XYLT1: variants seen among roughly 807,000 people sequenced by gnomAD.
The protein encoded by XYLT1 is beta-D-xylosyltransferase 1.
In XYLT1, 36 loss-of-function variants were observed where a neutral mutation model predicts 91.3. The ratio of observed to expected loss-of-function variants is 0.39; its 90% confidence interval spans 0.30 to 0.52. The LOEUF (loss-of-function observed/expected upper bound fraction) is 0.52. Among genes scored for constraint, XYLT1 ranks in the 20% least tolerant of loss-of-function variants. The pLI is 0.68. For missense variants in XYLT1, 1,242 were observed against 1,284.5 expected (o/e 0.97, Z 0.51); for synonymous variants, 588 against 532.0 (o/e 1.11, Z -1.45).
At chr16:17,134,841 C>G in intron 8 of XYLT1, 106 bp from the exon 9 acceptor site, 1 of 1,364,976 alleles carries the variant, frequency 7.3e-7, no homozygotes, top group East Asian at 2.3e-5. Flanking sequence ...CTGCTGGACC[C>G]GAATTAGCTC....
intron 2 of XYLT1, among the ~76,000 whole-genome samples, chr16:17,283,475 T>C (rs765941441): frequency 5.3e-5 from 8 of 152,064 alleles, no homozygotes; most frequent in Non-Finnish European, 1.0e-4. Context: ...TGTGCACACA[T>C]AGGCACACAC....
rs372067770 is a variant in XYLT1 at position 17,141,327 on chromosome 16, G to A, written c.1413C>T (p.Cys471=). 53 of 1,613,976 alleles carry A rather than the reference G, an allele frequency of 3.3e-5. No homozygotes were observed. The African/African-American group carries it at 3.9e-4, about 12-fold the overall frequency. The change falls in exon 7 of 12, where the codon TGC becomes TGT. Residue 471 remains cysteine (C), a synonymous_variant. Coordinates refer to ENST00000261381, the MANE Select transcript of XYLT1 (RefSeq NM_022166.4). Reference sequence around the variant, plus strand: ...CTCCCAGGCGCCACATGTGAGCGTCGCACTCCAGGAAGAGCCGATCCAGGC... The same window carrying A: ...CTCCCAGGCGCCACATGTGAGCGTCACACTCCAGGAAGAGCCGATCCAGGC... ...KQGLDRLFLE[C]DAHMWRLGDR...
chr16:17,398,565 A>G (rs753582229), intron 1 of XYLT1, among the ~76,000 whole-genome samples: 5 of 152,138 alleles, frequency 3.3e-5, no homozygotes, highest in African/African-American at 7.2e-5. Context: ...ATAACAAAGC[A>G]CCACTAAATG....
chr16:17,332,972 G>A (rs552888510), intron 2 of XYLT1, among the ~76,000 whole-genome samples: 2 of 152,278 alleles, frequency 1.3e-5, no homozygotes, highest in East Asian at 1.9e-4. Flanking sequence ...AGAGGTGACG[G>A]CACAGGCAAT....
At chr16:17,383,240 C>T (rs1353931915) in intron 1 of XYLT1, among the ~76,000 whole-genome samples, 2 of 151,854 alleles carry the variant, frequency 1.3e-5, no homozygotes, top group East Asian at 2.0e-4. Context: ...TTTTGCACGG[C>T]CCATTCTCTC....
At chr16:17,126,613 C>T (rs775237393) in intron 10 of XYLT1, among the ~76,000 whole-genome samples, 5 of 152,230 alleles carry the variant, frequency 3.3e-5, no homozygotes, top group Non-Finnish European at 5.9e-5. Flanking sequence ...CTCTCCCCAA[C>T]ATACTCTTAG....
At chr16:17,456,666 CTT>C (rs2036747566) in intron 1 of XYLT1, among the ~76,000 whole-genome samples, 1 of 152,162 alleles carries the variant, frequency 6.6e-6, no homozygotes, top group African/African-American at 2.4e-5. Flanking sequence ...TGGCAGTGTC[CTT>C]CTGAAGAAAA....
chr16:17,206,857 C>T (rs1315707295), intron 3 of XYLT1, among the ~76,000 whole-genome samples: 6 of 152,212 alleles, frequency 3.9e-5, no homozygotes, highest in South Asian at 2.1e-4. Flanking sequence ...GCAGTTGGTG[C>T]GAGAATGGAA....
At chr16:17,227,049 C>G (rs2033078376) in intron 3 of XYLT1, 1 of 152,220 alleles carries the variant, frequency 6.6e-6, no homozygotes, top group Admixed American at 6.5e-5. Flanking sequence ...TATTCCATCA[C>G]CCATTTGATT....
chr16:17,174,205 A>G (rs994535650), intron 5 of XYLT1, among the ~76,000 whole-genome samples: 1 of 152,238 alleles, frequency 6.6e-6, no homozygotes, highest in Non-Finnish European at 1.5e-5. Flanking sequence ...CTGTTTTTCT[A>G]CTTTATCTTA....
At chr16:17,332,558 TCACACACATACACA>T (rs1383222795) in intron 2 of XYLT1, among the ~76,000 whole-genome samples, 1 of 126,730 alleles carries the variant, frequency 7.9e-6, no homozygotes, top group Admixed American at 8.3e-5. Flanking sequence ...CCAGAGTCCA[TCACACACATACACA>T]CACACACACA....
intron 3 of XYLT1, among the ~76,000 whole-genome samples, chr16:17,208,238 C>CTTAGAT: frequency 1.9e-5 from 2 of 103,364 alleles, no homozygotes; most frequent in East Asian, 6.6e-4. Flanking sequence ...CTCCCTTAGC[C>CTTAGAT]TCCCAAAGTG....
intron 1 of XYLT1, among the ~76,000 whole-genome samples, chr16:17,463,445 G>A (rs974205051): frequency 6.6e-6 from 1 of 152,226 alleles, no homozygotes; most frequent in East Asian, 1.9e-4. Flanking sequence ...GAAGACATAC[G>A]AATGGCCAAT....
chr16:17,441,681 G>A (rs957312298), intron 1 of XYLT1, among the ~76,000 whole-genome samples: 5 of 152,188 alleles, frequency 3.3e-5, no homozygotes, highest in Non-Finnish European at 7.3e-5. Flanking sequence ...GGTACTCTAA[G>A]TAGCAATCGC....
intron 1 of XYLT1, among the ~76,000 whole-genome samples, chr16:17,429,149 T>C (rs1182757921): frequency 6.6e-6 from 1 of 152,226 alleles, no homozygotes; most frequent in Non-Finnish European, 1.5e-5. Context: ...AGTAATTACC[T>C]TCAAGTTGTG....
At chr16:17,364,885 G>A (rs1239478401) in intron 1 of XYLT1, among the ~76,000 whole-genome samples, 1 of 152,170 alleles carries the variant, frequency 6.6e-6, no homozygotes, top group African/African-American at 2.4e-5. Context: ...CTGGGCAAGG[G>A]TCCAAGGAAT....
At chr16:17,315,521 T>C (rs2034617013) in intron 2 of XYLT1, among the ~76,000 whole-genome samples, 1 of 103,552 alleles carries the variant, frequency 9.7e-6, no homozygotes. Context: ...ATTGTAACAC[T>C]GTACCTATGT....
At chr16:17,428,440 A>G (rs762733704) in intron 1 of XYLT1, among the ~76,000 whole-genome samples, 13 of 152,186 alleles carry the variant, frequency 8.5e-5, no homozygotes, top group Non-Finnish European at 1.5e-4. Flanking sequence ...CTATAAAATG[A>G]GCCAGGCTGA....
At chr16:17,282,925 T>C (rs1348029026) in intron 2 of XYLT1, among the ~76,000 whole-genome samples, 2 of 152,026 alleles carry the variant, frequency 1.3e-5, no homozygotes, top group African/African-American at 4.8e-5. Context: ...TAACCCCATT[T>C]CACAGACAAT....
Sources: gnomAD v4.1 joint callset for allele counts (sites outside exome capture counted in the v4.1 genomes callset) on GRCh38, gnomAD v4.1.1 for gene constraint, MANE v1.5 for transcripts, NCBI Gene and HGNC (gene_info 2026-07-23, HGNC 2026-07-21) for gene names.